The following ARMC7 variants were observed in gnomAD, a reference collection of about 807,000 sequenced individuals.
The protein encoded by ARMC7 is armadillo repeat containing 7, also known as armadillo repeat-containing protein 7.
ARMC7 carries 9 observed loss-of-function variants against 14.8 expected under a neutral mutation model. The observed-to-expected ratio is 0.61, with a 90% CI of 0.37 to 1.06. The LOEUF (loss-of-function observed/expected upper bound fraction) is 1.06. Ranked by LOEUF, ARMC7 falls within the 50% of genes least tolerant of loss-of-function variation. The probability of loss-of-function intolerance (pLI) is 0.01; values close to 1 mark genes in which losing one functional copy is unlikely to be tolerated. For synonymous variants in ARMC7, 125 were observed against 123.4 expected (o/e 1.01, Z -0.09); for missense variants, 262 against 267.1 (o/e 0.98, Z 0.13).
At chr17:75,111,766 T>A (rs981469486) in intron 2 of ARMC7, among the ~76,000 whole-genome samples, 2 of 151,192 alleles carry the variant, frequency 1.3e-5, no homozygotes, top group African/African-American at 4.9e-5. Flanking sequence ...TATTTAGTGT[T>A]TTCATATCAA....
chr17:75,125,942 C>G (rs934466305), intron 2 of ARMC7, among the ~76,000 whole-genome samples: 3 of 152,226 alleles, frequency 2.0e-5, no homozygotes, highest in African/African-American at 7.2e-5. Context: ...CTGCCCCAGT[C>G]AGTGGAGGAG....
At chr17:75,114,405 GC>G in intron 2 of ARMC7, 1 of 396,212 alleles carries the variant, frequency 2.5e-6, no homozygotes, top group Non-Finnish European at 4.4e-6. Context: ...GGTCCACTGA[GC>G]TATGGGGGCG....
At chr17:75,114,849 T>G (rs2073962086) in intron 2 of ARMC7, 1 of 397,540 alleles carries the variant, frequency 2.5e-6, no homozygotes, top group Middle Eastern at 6.3e-4. Context: ...GTGTTTATTA[T>G]GCATGACTGA....
Position 75,110,605 on chromosome 17 carries a change from T to C in ARMC7, c.234T>C (p.Ile78=). 1 of 1,614,214 alleles carries C rather than the reference T, an allele frequency of 6.2e-7. No homozygotes were observed. Among genetic ancestry groups the C allele is most frequent in the South Asian group, 1.1e-5 (1 of 91,090 alleles). Residue 78 remains isoleucine, a splice_region_variant and synonymous_variant, in exon 2 of 3, where the codon ATT becomes ATC. Coordinates refer to ENST00000245543, the MANE Select transcript of ARMC7 (RefSeq NM_024585.4). ...ATGAGACCCTGGTGGAGTTTGCTAT[T>C]GGTAAGGGCGGGGCCCGTTCCCTAG... ...EENETLVEFA[I]GGLCNLCPDR... is the part of the protein sequence containing the mutation.
Position 75,129,412 on chromosome 17 carries a change from GA to G in ARMC7, c.*377del, listed in dbSNP as rs2074083610. On this transcript the variant is annotated 3_prime_UTR_variant, in exon 3 of 3. Transcript: ENST00000245543. ...CTTAGGAGAGCTGCCTTCGCTGCAG[GA>G]AATCAGGGATTATCCCTTAACAGAA... The G allele has an allele frequency of 3.8e-6, 1 of 265,576 alleles. No homozygotes were observed. The highest frequency in any genetic ancestry group is 2.2e-5 in the African/African-American group (1 of 45,226). 16.5% of individuals were successfully genotyped at this position (265,576 alleles called of 1,614,324 possible).
chr17:75,128,729 C>T lies in ARMC7; in HGVS notation c.288C>T (p.His96=), dbSNP rs138342781. 8.0e-5 allele frequency: 129 copies of T among 1,613,384 alleles called. No individual in the cohort carries two copies. The highest frequency in any genetic ancestry group is 1.1e-4 in the Non-Finnish European group (124 of 1,179,926). Residue 96 remains histidine (H), a synonymous_variant, in exon 3 of 3, where the codon CAC becomes CAT. Coordinates refer to ENST00000245543, the MANE Select transcript of ARMC7 (RefSeq NM_024585.4). ...PDRANKEHIL[H]AGGVPLIINC... is the part of the protein sequence containing the mutation. ...GGGCCAACAAGGAGCACATCCTGCA[C>T]GCAGGAGGTGTCCCACTCATCATCA...
chr17:75,128,317 C>T (rs1432946750), intron 2 of ARMC7, among the ~76,000 whole-genome samples: 1 of 152,176 alleles, frequency 6.6e-6, no homozygotes, highest in Admixed American at 6.5e-5. Context: ...AGGTGATCCA[C>T]TCACTTCAGC....
Position 75,128,992 on chromosome 17 carries a change from C to T in ARMC7, c.551C>T (p.Ala184Val). The T allele has an allele frequency of 6.2e-7, 1 of 1,600,590 alleles. No individual in the cohort carries two copies. The highest frequency in any genetic ancestry group is 8.5e-7 in the Non-Finnish European group (1 of 1,179,598). Residue 184 changes from alanine to valine, a missense_variant, in exon 3 of 3, where the codon GCC becomes GTC. Ala to Val is a moderately conservative substitution (Grantham distance 64). Transcript: ENST00000245543. Reference protein sequence around the residue: ...AEARSRQAHSALGIPLPRSVA... With the variant: ...AEARSRQAHSVLGIPLPRSVA... Reference sequence around the variant, plus strand: ...GCCCGCAGCCGGCAGGCGCACTCTGCCCTGGGTATCCCACTGCCGAGGAGC... The same window carrying T: ...GCCCGCAGCCGGCAGGCGCACTCTGTCCTGGGTATCCCACTGCCGAGGAGC...
intron 2 of ARMC7, among the ~76,000 whole-genome samples, chr17:75,127,796 T>G (rs926224780): frequency 6.6e-6 from 1 of 152,142 alleles, no homozygotes; most frequent in African/African-American, 2.4e-5. Flanking sequence ...AGTTTTGCCA[T>G]GTCGCCAAGG....
At chr17:75,114,976 C>T (rs1385624286) in intron 2 of ARMC7, 10 of 377,550 alleles carry the variant, frequency 2.6e-5, no homozygotes, top group Admixed American at 4.6e-5. Context: ...CTCTGTGCTG[C>T]GCTTTGGAGC....
At chr17:75,111,098 C>G (rs2073918690) in intron 2 of ARMC7, among the ~76,000 whole-genome samples, 1 of 151,982 alleles carries the variant, frequency 6.6e-6, no homozygotes, top group Non-Finnish European at 1.5e-5. Flanking sequence ...GCACTCCAGC[C>G]TGGGCGACAG....
At chr17:75,127,129 C>T (rs532692508) in intron 2 of ARMC7, among the ~76,000 whole-genome samples, 1 of 151,762 alleles carries the variant, frequency 6.6e-6, no homozygotes, top group African/African-American at 2.4e-5. Flanking sequence ...GTCTTAACTC[C>T]CAGGGAGGCT....
chr17:75,111,882 C>T (rs932953687), intron 2 of ARMC7, among the ~76,000 whole-genome samples: 1 of 151,440 alleles, frequency 6.6e-6, no homozygotes, highest in African/African-American at 2.5e-5. Context: ...GCGCGTGTAC[C>T]GTATATGCAA....
chr17:75,121,534 C>T (rs182946813), intron 2 of ARMC7, among the ~76,000 whole-genome samples: 1 of 152,270 alleles, frequency 6.6e-6, no homozygotes, highest in African/African-American at 2.4e-5. Context: ...CCACCTCAGC[C>T]TCCGGAGTAG....
chr17:75,117,039 C>CA (rs1232840628), intron 2 of ARMC7, among the ~76,000 whole-genome samples: 1 of 152,170 alleles, frequency 6.6e-6, no homozygotes, highest in Non-Finnish European at 1.5e-5. Context: ...CAATTACTGA[C>CA]AAAAATCGCA....
chr17:75,126,754 A>G (rs1212467321), intron 2 of ARMC7, among the ~76,000 whole-genome samples: 2 of 151,878 alleles, frequency 1.3e-5, no homozygotes, highest in Non-Finnish European at 2.9e-5. Flanking sequence ...GCTAATCACA[A>G]TATATTGGTA....
At position 75,124,772 on chromosome 17, in the gene ARMC7, GCTCA is replaced by G. The variant is rs916692220; in HGVS notation, c.236-3900_236-3897del. 2.5e-4 allele frequency among the ~76,000 whole-genome samples: 38 copies of G among 152,344 alleles called. No homozygotes were observed. In the Middle Eastern group the frequency reaches 0.01, roughly 41 times the overall value. ...TCCCATCTCTTTAGCGTTTTGGGCAGCTCACTCAGTCTCTCATAGCCTTGACTTC... is the reference window on the plus strand; with the variant it reads ...TCCCATCTCTTTAGCGTTTTGGGCAGCTCAGTCTCTCATAGCCTTGACTTC... On this transcript the variant is annotated intron_variant, in intron 2 of 2. Transcript: ENST00000245543.
In ARMC7 at chr17:75,128,956, A is replaced by C; in HGVS notation, c.515A>C (p.Gln172Pro). 6.2e-7 allele frequency: 1 copy of C among 1,604,946 alleles called. No individual in the cohort carries two copies. Among genetic ancestry groups the C allele is most frequent in the Admixed American group, 1.7e-5 (1 of 59,924 alleles). ...IFLEDFCSPR[Q>P]VAEARSRQAH... ...CTGGAGGACTTCTGCTCCCCCCGCC[A>C]GGTGGCCGAGGCCCGCAGCCGGCAG... The change falls in exon 3 of 3, where the codon CAG (glutamine) becomes CCG (proline). Residue 172 changes from glutamine to proline, a missense_variant. By Grantham distance (76) the Gln-to-Pro change is moderately conservative. Coordinates refer to ENST00000245543, the MANE Select transcript of ARMC7 (RefSeq NM_024585.4).
At chr17:75,111,140 A>T (rs1216287888) in intron 2 of ARMC7, among the ~76,000 whole-genome samples, 1 of 149,014 alleles carries the variant, frequency 6.7e-6, no homozygotes, top group East Asian at 2.0e-4. Flanking sequence ...AATATGTTTT[A>T]AAAAGAGCAG....
Sources: allele counts gnomAD v4.1 joint callset (sites outside exome capture counted in the v4.1 genomes callset), GRCh38; gene constraint gnomAD v4.1.1; transcripts MANE v1.5; gene names NCBI Gene and HGNC (gene_info 2026-07-23, HGNC 2026-07-21).